Variants in SORCS2 observed in about 807,000 individuals in gnomAD.
SORCS2 encodes VPS10 domain-containing receptor SorCS2.
Under a neutral mutation model 141.6 loss-of-function variants are expected in SORCS2, and 100 were observed. The observed-to-expected ratio is 0.71, with a 90% CI of 0.60 to 0.83. The LOEUF (loss-of-function observed/expected upper bound fraction) is 0.83, where lower values mean the gene tolerates loss of function less well. Among genes scored for constraint, SORCS2 ranks in the 40% least tolerant of loss-of-function variants. The pLI, the probability that SORCS2 is intolerant of heterozygous loss-of-function variation, is 0.00. For missense variants in SORCS2, 1,646 were observed against 1,560.2 expected (o/e 1.05, Z -0.93); for synonymous variants, 789 against 676.9 (o/e 1.17, Z -2.57).
Position 7,689,695 on chromosome 4 carries a change from T to C in SORCS2, c.1591+107T>C, listed in dbSNP as rs1724095211. 5 of 1,010,272 alleles carry C rather than the reference T, an allele frequency of 4.9e-6. No individual in the cohort carries two copies. The South Asian group carries it at 6.8e-5, about 14-fold the overall frequency. The allele number at this position is 1,010,272 out of a possible 1,614,324, so 62.6% of individuals were successfully genotyped here. On this transcript the variant is annotated intron_variant, in intron 11 of 26. Coordinates refer to ENST00000507866, the MANE Select transcript of SORCS2 (RefSeq NM_020777.3). ...GTCATGAGCCTGAGGCCATAGTATG[T>C]CCTTTAGGAGGCAGTACCACTGCAT...
Position 7,730,245 on chromosome 4 carries a change from G to T in SORCS2, c.3108+533G>T, listed in dbSNP as rs1577131778. Among the ~76,000 whole-genome samples the T allele has an allele frequency of 3.9e-5, 6 of 152,326 alleles. No individual in the cohort carries two copies. The South Asian group carries it at 1.2e-3, about 32-fold the overall frequency. ...CCAGAATCCCTTCACACCCACTAGG[G>T]TGGCTAACATTAAAAATCAGACAAT... On this transcript the variant is annotated intron_variant, in intron 23 of 26. Coordinates refer to ENST00000507866, the MANE Select transcript of SORCS2 (RefSeq NM_020777.3).
intron 1 of SORCS2, among the ~76,000 whole-genome samples, chr4:7,293,787 C>T (rs1249004981): frequency 6.6e-6 from 1 of 152,172 alleles, no homozygotes; most frequent in Non-Finnish European, 1.5e-5. Context: ...TAGAGGCTTC[C>T]TTTGGTCACA....
chr4:7,732,437 G>A (rs556101323), intron 23 of SORCS2, among the ~76,000 whole-genome samples: 5 of 152,284 alleles, frequency 3.3e-5, no homozygotes, highest in South Asian at 2.1e-4. Flanking sequence ...GGCACCTCAC[G>A]CATTTGTCAC....
chr4:7,520,415 T>G (rs1267445073), intron 2 of SORCS2, among the ~76,000 whole-genome samples: 3 of 152,176 alleles, frequency 2.0e-5, no homozygotes, highest in Non-Finnish European at 4.4e-5. Context: ...ATGCCCCTAT[T>G]TCCATCCCTA....
chr4:7,395,896 A>G (rs1724179221), intron 1 of SORCS2, among the ~76,000 whole-genome samples: 1 of 152,210 alleles, frequency 6.6e-6, no homozygotes, highest in African/African-American at 2.4e-5. Flanking sequence ...GTGGAGACAG[A>G]GCCCTGTCTC....
intron 4 of SORCS2, among the ~76,000 whole-genome samples, chr4:7,645,095 G>A (rs562423836): frequency 1.3e-5 from 2 of 152,360 alleles, no homozygotes; most frequent in East Asian, 1.9e-4. Flanking sequence ...CATTAATGTG[G>A]AGGCTTTATT....
intron 2 of SORCS2, among the ~76,000 whole-genome samples, chr4:7,419,407 G>T (rs190501694): frequency 1.3e-5 from 2 of 152,316 alleles, no homozygotes; most frequent in African/African-American, 4.8e-5. Flanking sequence ...GCCTTGGTGA[G>T]AGACACATGG....
In SORCS2 at chr4:7,311,900, G is replaced by A. The variant is rs137930115; in HGVS notation, c.481-84388G>A. Among the ~76,000 whole-genome samples, 675 of 151,382 alleles carry A rather than the reference G, an allele frequency of 4.5e-3. 7 individuals carry two copies. The highest frequency in any genetic ancestry group is 0.015 in the African/African-American group (602 of 41,236). ...ATTTTTATTATTTTTATTTTGAGAC[G>A]GAGCCTCACTCTGTTGCCAGGCTGG... is the stretch of plus-strand genomic sequence containing the variant. On this transcript the variant is annotated intron_variant, in intron 1 of 26. Coordinates refer to ENST00000507866, the MANE Select transcript of SORCS2 (RefSeq NM_020777.3).
intron 2 of SORCS2, among the ~76,000 whole-genome samples, chr4:7,423,866 A>G (rs1024832016): frequency 2.0e-5 from 3 of 152,232 alleles, no homozygotes; most frequent in African/African-American, 4.8e-5. Flanking sequence ...GCCAGTTTTC[A>G]TGGTGTAAGT....
At position 7,700,915 on chromosome 4, in the gene SORCS2, G is replaced by T. The variant is rs149811881; in HGVS notation, c.1669-2365G>T. Among the ~76,000 whole-genome samples the T allele has an allele frequency of 2.3e-3, 346 of 152,372 alleles. 3 individuals carry two copies. The highest frequency in any genetic ancestry group is 7.2e-3 in the African/African-American group (298 of 41,590). On this transcript the variant is annotated intron_variant, in intron 12 of 26. Coordinates refer to ENST00000507866, the MANE Select transcript of SORCS2 (RefSeq NM_020777.3). Reference sequence around the variant, plus strand: ...GGTTGGTGTCTGGCAGTCACCAGCTGTGTGGCTTCAGGCAAGTCACTGTGT... The same window carrying T: ...GGTTGGTGTCTGGCAGTCACCAGCTTTGTGGCTTCAGGCAAGTCACTGTGT...
chr4:7,481,988 A>G (rs55923357), intron 2 of SORCS2, among the ~76,000 whole-genome samples: 6,222 of 74,338 alleles, frequency 0.084, 582 homozygotes, highest in East Asian at 0.39. Flanking sequence ...CTGTATCCCC[A>G]CTGCGGACAC....
intron 1 of SORCS2, among the ~76,000 whole-genome samples, chr4:7,266,615 C>G (rs910876680): frequency 6.6e-6 from 1 of 152,202 alleles, no homozygotes; most frequent in Non-Finnish European, 1.5e-5. Context: ...ATTCATCAAG[C>G]ACTCCGGTGG....
intron 14 of SORCS2, among the ~76,000 whole-genome samples, chr4:7,708,253 A>G (rs1293393663): frequency 6.6e-6 from 1 of 152,102 alleles, no homozygotes; most frequent in African/African-American, 2.4e-5. Context: ...CTCTGATTCT[A>G]GTATAGAGGC....
chr4:7,654,321 C>T, intron 5 of SORCS2, 114 bp downstream of exon 5: 1 of 1,106,544 alleles, frequency 9.0e-7, no homozygotes, highest in Non-Finnish European at 1.3e-6. Context: ...TGGACCCTCC[C>T]CATCCCGGGG....
At chr4:7,248,965 G>A (rs537301186) in intron 1 of SORCS2, among the ~76,000 whole-genome samples, 3 of 152,298 alleles carry the variant, frequency 2.0e-5, no homozygotes, top group South Asian at 4.1e-4. Flanking sequence ...AAGTATCATG[G>A]GCCCCTTGAT....
intron 1 of SORCS2, among the ~76,000 whole-genome samples, chr4:7,238,796 C>T (rs576221088): frequency 6.6e-5 from 10 of 152,312 alleles, no homozygotes; most frequent in East Asian, 1.9e-4. Context: ...GACCCCTGTC[C>T]GCCAGCTCCT....
At chr4:7,636,291 ACTG>A (rs1462576179) in intron 3 of SORCS2, among the ~76,000 whole-genome samples, 1 of 152,226 alleles carries the variant, frequency 6.6e-6, no homozygotes, top group Non-Finnish European at 1.5e-5. Context: ...TACAGCCACA[ACTG>A]CTCTCCTGCC....
At chr4:7,628,017 C>T (rs1719627371) in intron 3 of SORCS2, among the ~76,000 whole-genome samples, 1 of 152,238 alleles carries the variant, frequency 6.6e-6, no homozygotes, top group African/African-American at 2.4e-5. Context: ...CCCGGGCCTG[C>T]CTGCAGCAGC....
chr4:7,713,067 C>T (rs921222321), intron 15 of SORCS2, among the ~76,000 whole-genome samples: 3 of 152,100 alleles, frequency 2.0e-5, no homozygotes, highest in African/African-American at 7.2e-5. Flanking sequence ...TGAGGGTCCT[C>T]AGCCACACTC....
Sources: gnomAD v4.1 joint callset for allele counts (sites outside exome capture counted in the v4.1 genomes callset) on GRCh38, gnomAD v4.1.1 for gene constraint, MANE v1.5 for transcripts, NCBI Gene and HGNC (gene_info 2026-07-23, HGNC 2026-07-21) for gene names.